The following C1orf52 variants were observed in gnomAD, a reference collection of about 807,000 sequenced individuals.
C1orf52 encodes the protein UPF0690 protein C1orf52.
C1orf52 carries 5 observed loss-of-function variants against 17.2 expected under a neutral mutation model. That is an observed-to-expected ratio of 0.29 (90% CI 0.15 to 0.61). The LOEUF is 0.61. Ranked by LOEUF, C1orf52 falls within the 20% of genes least tolerant of loss-of-function variation. The pLI is 0.85. For missense variants in C1orf52, 245 were observed against 234.1 expected, an observed-to-expected ratio of 1.05 and a Z score of -0.30; for synonymous variants, 110 against 88.0, an observed-to-expected ratio of 1.25 and a Z score of -1.40.
At position 85,258,659 on chromosome 1, in the gene C1orf52, C is replaced by T; in HGVS notation, c.340G>A (p.Glu114Lys). 2 of 1,613,698 alleles carry T rather than the reference C, an allele frequency of 1.2e-6. No homozygotes were observed. Among genetic ancestry groups the T allele is most frequent in the East Asian group, 4.5e-5 (2 of 44,890 alleles). ...YVPPPETYTT[E>K]KKPPPPELDM... is the part of the protein sequence containing the mutation. ...AGCTCTGGAGGCGGAGGCTTCTTCT[C>T]AGTGGTGTAGGTCTCAGGAGGTGGT... is the stretch of plus-strand genomic sequence containing the variant. The change falls in exon 2 of 3, where the codon GAG (glutamate) becomes AAG (lysine). Residue 114 changes from glutamate to lysine, a missense_variant. Physicochemically the swap from Glu to Lys is moderately conservative, Grantham distance 56. Coordinates refer to ENST00000471115, the MANE Select transcript of C1orf52 (RefSeq NM_198077.4).
rs761714653 is a variant in C1orf52, at chr1:85,257,452, G to C, written c.475+1072C>G. ...CAGGGAACCATACAATTCAGTTCTG[G>C]ATTTCAAGATCTTCAAGTGCTAGAA... is the stretch of plus-strand genomic sequence containing the variant. On this transcript the variant is annotated intron_variant, in intron 2 of 2. Coordinates refer to ENST00000471115, the MANE Select transcript of C1orf52 (RefSeq NM_198077.4). 4.2e-6 allele frequency: 3 copies of C among 717,352 alleles called. No individual in the cohort carries two copies. The South Asian group carries it at 4.4e-5, about 11-fold the overall frequency. 44.4% of individuals were successfully genotyped at this position (717,352 alleles called of 1,614,324 possible). A position where few individuals can be genotyped will look rare whatever the true frequency, so the allele number is the denominator to read the frequency against.
At chr1:85,254,822 T>A (rs1283599728) in intron 2 of C1orf52, among the ~76,000 whole-genome samples, 1 of 152,266 alleles carries the variant, frequency 6.6e-6, no homozygotes, top group East Asian at 1.9e-4. Context: ...TAGATGATAC[T>A]GAGATATTTT....
chr1:85,255,878 T>A (rs372336289), intron 2 of C1orf52, among the ~76,000 whole-genome samples: 10 of 152,342 alleles, frequency 6.6e-5, no homozygotes, highest in Admixed American at 2.0e-4. Context: ...AGGACCATCA[T>A]GTGATCAAAA....
chr1:85,254,920 G>A (rs1570317641), intron 2 of C1orf52, among the ~76,000 whole-genome samples: 1 of 152,174 alleles, frequency 6.6e-6, no homozygotes, highest in Non-Finnish European at 1.5e-5. Context: ...GGCTATCAGT[G>A]ATTTGAGCAG....
intron 2 of C1orf52, among the ~76,000 whole-genome samples, chr1:85,254,567 A>G (rs1659881389): frequency 6.6e-6 from 1 of 151,928 alleles, no homozygotes. Context: ...AATTTTTTGT[A>G]TTTTTAGTAG....
At chr1:85,256,794 G>T (rs1400288056) in intron 2 of C1orf52, among the ~76,000 whole-genome samples, 12 of 19,796 alleles carry the variant, frequency 6.1e-4, no homozygotes, top group Non-Finnish European at 1.2e-3. Context: ...CCGAGACTCC[G>T]CCTCAAAAAA....
At chr1:85,255,287 C>A (rs572440804) in intron 2 of C1orf52, among the ~76,000 whole-genome samples, 2 of 152,264 alleles carry the variant, frequency 1.3e-5, no homozygotes, top group Admixed American at 1.3e-4. Flanking sequence ...TGCGGTGGCT[C>A]ACACCTGTAA....
In C1orf52 at chr1:85,258,544, C is replaced by T; in HGVS notation, c.455G>A (p.Gly152Glu). ...CTTACCTGATTCCAACGTCTCCTCC[C>T]CTTCTGGTAGAAGCCTAGCTTTCTT... Reference protein sequence around the residue: ...NAKKARLLPEGEETLESDDEK... With the variant: ...NAKKARLLPEEEETLESDDEK... Residue 152 changes from glycine (G) to glutamate (E), a missense_variant, in exon 2 of 3, where the codon GGG becomes GAG. Gly to Glu is a moderately conservative substitution (Grantham distance 98, BLOSUM62 -2). Coordinates refer to ENST00000471115, the MANE Select transcript of C1orf52 (RefSeq NM_198077.4). 5 of 1,614,056 alleles carry T rather than the reference C, an allele frequency of 3.1e-6. No homozygotes were observed. Among genetic ancestry groups the T allele is most frequent in the Non-Finnish European group, 4.2e-6 (5 of 1,179,972 alleles).
intron 2 of C1orf52, 118 bp from the exon 3 acceptor site, chr1:85,252,820 C>CA: frequency 1.5e-6 from 1 of 655,506 alleles, no homozygotes; most frequent in Non-Finnish European, 2.6e-6. Context: ...ATGTTTCTCT[C>CA]AGAGTTTCCC....
In C1orf52 at chr1:85,252,474, ATTCTATAGTGGAAAG is replaced by A. The variant is rs1659822865; in HGVS notation, c.*140_*154del. On this transcript the variant is annotated 3_prime_UTR_variant, in exon 3 of 3. Transcript: ENST00000471115. ...CATACATGTTTTAAATAAAAAAAGAATTCTATAGTGGAAAGTTCTTGAGGCAATACTTATTAGTTC... is the reference window on the plus strand; with the variant it reads ...CATACATGTTTTAAATAAAAAAAGAATTCTTGAGGCAATACTTATTAGTTC... 2 of 604,880 alleles carry A rather than the reference ATTCTATAGTGGAAAG, an allele frequency of 3.3e-6. No homozygotes were observed. Among genetic ancestry groups the A allele is most frequent in the Non-Finnish European group, 5.8e-6 (2 of 346,516 alleles). 37.5% of individuals were successfully genotyped at this position (604,880 alleles called of 1,614,324 possible).
chr1:85,257,046 A>G (rs901409967), intron 2 of C1orf52, among the ~76,000 whole-genome samples: 1 of 152,198 alleles, frequency 6.6e-6, no homozygotes, highest in Non-Finnish European at 1.5e-5. Context: ...CATGACTGTT[A>G]AAAACGGGCT....
At chr1:85,259,212 C>G in intron 1 of C1orf52, 146 bp downstream of exon 1, 1 of 1,158,046 alleles carries the variant, frequency 8.6e-7, no homozygotes, top group Admixed American at 3.1e-5. Flanking sequence ...CCAGGTTTCC[C>G]AGGGCTTGAG....
At chr1:85,257,146 A>T (rs11161572) in intron 2 of C1orf52, among the ~76,000 whole-genome samples, 7,171 of 152,330 alleles carry the variant, frequency 0.047, 248 homozygotes, top group East Asian at 0.15. Context: ...CATTAGTTCA[A>T]TTCAACAATT....
rs921031762 is a variant in C1orf52, at chr1:85,251,718, CAATTT to C, written c.*906_*910del. ...TTTAACTGAATGTCCTGTAAACTTA[CAATTT>C]AATAAAGAAATTAATGAATAACCAT... On this transcript the variant is annotated 3_prime_UTR_variant, in exon 3 of 3. Transcript: ENST00000471115. The C allele has an allele frequency of 9.2e-5, 14 of 152,200 alleles. No homozygotes were observed. The highest frequency in any genetic ancestry group is 3.1e-4 in the African/African-American group (13 of 41,514). The allele number at this position is 152,200 out of a possible 1,614,324, so 9.4% of individuals were successfully genotyped here.
rs776600930 is a variant in C1orf52 at position 85,258,650 on chromosome 1, G to C, written c.349C>G (p.Pro117Ala). The change falls in exon 2 of 3, where the codon CCT becomes GCT. Residue 117 changes from proline (P) to alanine (A), a missense_variant. By Grantham distance (27) the Pro-to-Ala change is conservative (BLOSUM62 -1). Transcript: ENST00000471115. ...GCCATGTCAAGCTCTGGAGGCGGAGGCTTCTTCTCAGTGGTGTAGGTCTCA... is the reference window on the plus strand; with the variant it reads ...GCCATGTCAAGCTCTGGAGGCGGAGCCTTCTTCTCAGTGGTGTAGGTCTCA... ...PPETYTTEKK[P>A]PPPELDMAIK... 1.9e-6 allele frequency: 3 copies of C among 1,613,692 alleles called. No individual in the cohort carries two copies. Among genetic ancestry groups the C allele is most frequent in the Non-Finnish European group, 2.5e-6 (3 of 1,179,928 alleles).
In C1orf52 at chr1:85,251,194, T is replaced by A. The variant is rs1321282528; in HGVS notation, c.*1435A>T. The stretch of plus-strand genomic sequence containing the variant: ...GGGGAAAAACAGATTTAAAAAAAAA[T>A]ACTTAGATTATGTCTTTTTCTTTCT... On this transcript the variant is annotated 3_prime_UTR_variant, in exon 3 of 3. Transcript: ENST00000471115. 2 of 152,172 alleles carry A rather than the reference T, an allele frequency of 1.3e-5. No individual in the cohort carries two copies. The highest frequency in any genetic ancestry group is 2.9e-5 in the Non-Finnish European group (2 of 68,020). 9.4% of individuals were successfully genotyped at this position (152,172 alleles called of 1,614,324 possible).
At chr1:85,256,146 G>A (rs944105823) in intron 2 of C1orf52, among the ~76,000 whole-genome samples, 3 of 152,152 alleles carry the variant, frequency 2.0e-5, no homozygotes, top group Non-Finnish European at 4.4e-5. Flanking sequence ...TTGAGAAATG[G>A]CTATTCATCA....
Position 85,259,438 on chromosome 1 carries a change from C to T in C1orf52, c.196G>A (p.Val66Met). 1 of 1,614,070 alleles carries T rather than the reference C, an allele frequency of 6.2e-7. No homozygotes were observed. Among genetic ancestry groups the T allele is most frequent in the South Asian group, 1.1e-5 (1 of 91,064 alleles). The change falls in exon 1 of 3, where the codon GTG becomes ATG. Residue 66 changes from valine (V) to methionine (M), a missense_variant. Coordinates refer to ENST00000471115, the MANE Select transcript of C1orf52 (RefSeq NM_198077.4). Reference protein sequence around the residue: ...LPGPDELFRSVTRPAFLYNPL... With the variant: ...LPGPDELFRSMTRPAFLYNPL... ...TTGTAGAGAAAGGCCGGGCGAGTCA[C>T]GCTCCTAAACAGCTCGTCAGGTCCC... is the stretch of plus-strand genomic sequence containing the variant.
At chr1:85,256,300 GTAA>G (rs1659934240) in intron 2 of C1orf52, among the ~76,000 whole-genome samples, 1 of 152,202 alleles carries the variant, frequency 6.6e-6, no homozygotes, top group South Asian at 2.1e-4. Flanking sequence ...CTGTAAAACA[GTAA>G]TAATGAGTCA....
Sources: gnomAD v4.1 joint callset for allele counts (sites outside exome capture counted in the v4.1 genomes callset) on GRCh38, gnomAD v4.1.1 for gene constraint, MANE v1.5 for transcripts, NCBI Gene and HGNC (gene_info 2026-07-23, HGNC 2026-07-21) for gene names.